Variants in RPS6KC1 observed in about 807,000 individuals in gnomAD.
RPS6KC1 encodes the protein inactive ribosomal protein S6 kinase delta-1.
A neutral mutation model predicts 103.8 loss-of-function variants in RPS6KC1; 54 were observed. The ratio of observed to expected loss-of-function variants is 0.52; its 90% confidence interval spans 0.42 to 0.65. RPS6KC1 has a LOEUF of 0.65. Among genes scored for constraint, RPS6KC1 ranks in the 30% least tolerant of loss-of-function variants. RPS6KC1 has a pLI of 0.00. For synonymous variants in RPS6KC1, 439 were observed against 438.7 expected (o/e 1.00, Z -0.01); for missense variants, 1,151 against 1,253.8 (o/e 0.92, Z 1.24).
At chr1:213,621,015 G>C in the RPS6KC1 span, among the ~76,000 whole-genome samples, 3 of 152,146 alleles carry the variant, frequency 2.0e-5, no homozygotes, top group Non-Finnish European at 2.9e-5. Context: ...CATTTTTAAA[G>C]AGCTTTTGAC....
At chr1:213,769,126 G>A in the RPS6KC1 span, among the ~76,000 whole-genome samples, 4 of 152,308 alleles carry the variant, frequency 2.6e-5, no homozygotes, top group African/African-American at 9.6e-5. Context: ...TCCAGAGTGG[G>A]AGTGCATTTA....
rs189072884 is a variant in RPS6KC1 at position 213,111,283 on chromosome 1, T to C, written c.379-6034T>C. 1.2e-4 allele frequency among the ~76,000 whole-genome samples: 18 copies of C among 152,304 alleles called. No homozygotes were observed. In the East Asian group the frequency reaches 3.5e-3, roughly 29 times the overall value. Reference sequence around the variant, plus strand: ...CTTAACTATACCAGAAGTCCTTCCCTGCTAGACTCTTCATTAACAGAAAAA... The same window carrying C: ...CTTAACTATACCAGAAGTCCTTCCCCGCTAGACTCTTCATTAACAGAAAAA... On this transcript the variant is annotated intron_variant, in intron 4 of 14. Coordinates refer to ENST00000366960, the MANE Select transcript of RPS6KC1 (RefSeq NM_012424.6).
intron 8 of RPS6KC1, among the ~76,000 whole-genome samples, chr1:213,202,066 T>TA (rs2093183320): frequency 6.6e-6 from 1 of 152,142 alleles, no homozygotes; most frequent in South Asian, 2.1e-4. Flanking sequence ...AGTTTGCAGA[T>TA]AAAAAACCTG....
chr1:213,148,049 A>G (rs992738796), intron 6 of RPS6KC1, among the ~76,000 whole-genome samples: 1 of 152,238 alleles, frequency 6.6e-6, no homozygotes, highest in Non-Finnish European at 1.5e-5. Context: ...TTGATTTTGC[A>G]TCCTGCAACT....
At chr1:213,323,307 T>G in the RPS6KC1 span, among the ~76,000 whole-genome samples, 6 of 152,134 alleles carry the variant, frequency 3.9e-5, no homozygotes, top group African/African-American at 1.4e-4. Context: ...TTTTGGGGAT[T>G]CGGTTGGGAA....
intron 12 of RPS6KC1, among the ~76,000 whole-genome samples, chr1:213,257,224 A>G (rs145450244): frequency 2.0e-5 from 3 of 152,164 alleles, no homozygotes; most frequent in Non-Finnish European, 4.4e-5. Flanking sequence ...CAAACATAAC[A>G]TGTAGCTTTT....
At chr1:213,533,650 C>T in the RPS6KC1 span, among the ~76,000 whole-genome samples, 2 of 152,182 alleles carry the variant, frequency 1.3e-5, no homozygotes, top group Admixed American at 6.5e-5. Flanking sequence ...TTTTGGACTA[C>T]CCTCACTTGA....
intron 4 of RPS6KC1, among the ~76,000 whole-genome samples, chr1:213,115,586 C>T (rs1349372994): frequency 6.6e-6 from 1 of 152,014 alleles, no homozygotes; most frequent in East Asian, 1.9e-4. Context: ...TATTTCTTGC[C>T]TTCTACTAGC....
chr1:213,725,118 C>A, the RPS6KC1 span, among the ~76,000 whole-genome samples: 2 of 152,200 alleles, frequency 1.3e-5, no homozygotes, highest in African/African-American at 4.8e-5. Flanking sequence ...ACTAATAAAT[C>A]TTATTTCCAA....
At chr1:213,712,162 TC>T in the RPS6KC1 span, among the ~76,000 whole-genome samples, 1 of 152,258 alleles carries the variant, frequency 6.6e-6, no homozygotes, top group Non-Finnish European at 1.5e-5. Context: ...GGGAGTTTTA[TC>T]TATAAGCCTC....
chr1:213,664,447 A>G, the RPS6KC1 span, among the ~76,000 whole-genome samples: 1 of 152,166 alleles, frequency 6.6e-6, no homozygotes, highest in African/African-American at 2.4e-5. Context: ...CAGCATACAC[A>G]TGAAAGAGCG....
At chr1:213,746,991 A>G in the RPS6KC1 span, among the ~76,000 whole-genome samples, 1 of 152,210 alleles carries the variant, frequency 6.6e-6, no homozygotes, top group African/African-American at 2.4e-5. Context: ...AAAGTTCCAG[A>G]GAGATGTCTG....
the RPS6KC1 span, among the ~76,000 whole-genome samples, chr1:213,593,335 T>C: frequency 2.6e-5 from 4 of 152,070 alleles, no homozygotes; most frequent in African/African-American, 9.7e-5. Flanking sequence ...GCTTGCTGTG[T>C]TGAGGGTGGA....
chr1:213,542,692 C>A, the RPS6KC1 span, among the ~76,000 whole-genome samples: 1 of 152,146 alleles, frequency 6.6e-6, no homozygotes, highest in African/African-American at 2.4e-5. Flanking sequence ...GTCTTGAGAG[C>A]AACAGGGCAA....
At chr1:213,100,173 G>T (rs192995666) in intron 3 of RPS6KC1, among the ~76,000 whole-genome samples, 175 of 152,240 alleles carry the variant, frequency 1.1e-3, no homozygotes, top group African/African-American at 4.1e-3. Flanking sequence ...ATGTGTAATG[G>T]TATCTTATTG....
chr1:213,722,385 T>C, the RPS6KC1 span, among the ~76,000 whole-genome samples: 3 of 152,198 alleles, frequency 2.0e-5, no homozygotes, highest in East Asian at 5.8e-4. Context: ...TTATTGGTCC[T>C]GATACTGTGA....
chr1:213,679,884 A>C, the RPS6KC1 span, among the ~76,000 whole-genome samples: 2 of 152,208 alleles, frequency 1.3e-5, no homozygotes, highest in Non-Finnish European at 2.9e-5. Flanking sequence ...GATCTGCTAG[A>C]GTGCTTAGTT....
intron 6 of RPS6KC1, among the ~76,000 whole-genome samples, chr1:213,153,293 G>A (rs1283463791): frequency 6.6e-6 from 1 of 151,754 alleles, no homozygotes; most frequent in Non-Finnish European, 1.5e-5. Flanking sequence ...AGGCGCAGAG[G>A]CAGGCACAGA....
the RPS6KC1 span, among the ~76,000 whole-genome samples, chr1:213,292,484 G>A: frequency 6.6e-6 from 1 of 152,128 alleles, no homozygotes; most frequent in Non-Finnish European, 1.5e-5. Context: ...GTAAGGTTGA[G>A]CATCTGGGCC....
Sources: allele counts gnomAD v4.1 joint callset (sites outside exome capture counted in the v4.1 genomes callset), GRCh38; gene constraint gnomAD v4.1.1; transcripts MANE v1.5; gene names NCBI Gene and HGNC (gene_info 2026-07-23, HGNC 2026-07-21).